Variants in FAM117A observed in about 807,000 individuals in gnomAD.
The protein encoded by FAM117A is protein FAM117A.
FAM117A carries 21 observed loss-of-function variants against 44.1 expected under a neutral mutation model. That is an observed-to-expected ratio of 0.48 (90% CI 0.34 to 0.69). The LOEUF is 0.69. FAM117A is among the 30% of genes least tolerant of loss of function. FAM117A has a pLI of 0.01. For missense variants in FAM117A, 498 were observed against 589.9 expected (o/e 0.84, Z 1.61); for synonymous variants, 220 against 238.3 (o/e 0.92, Z 0.71).
At chr17:49,726,602 C>A (rs1365338534) in intron 2 of FAM117A, among the ~76,000 whole-genome samples, 1 of 152,170 alleles carries the variant, frequency 6.6e-6, no homozygotes, top group African/African-American at 2.4e-5. Context: ...ACTGTGTCCC[C>A]AGTTTCCAGT....
upstream of FAM117A, chr17:49,788,951 GCTCC>G (rs1382959459): frequency 5.3e-6 from 6 of 1,138,354 alleles, no homozygotes; most frequent in Non-Finnish European, 7.3e-6. Flanking sequence ...CCAACTTTCC[GCTCC>G]CCCGAACCTT....
intron 1 of FAM117A, among the ~76,000 whole-genome samples, chr17:49,774,363 CTT>C (rs71146936): frequency 2.8e-5 from 4 of 144,208 alleles, no homozygotes; most frequent in Non-Finnish European, 3.0e-5. Flanking sequence ...CCAGGCTGGT[CTT>C]TTTTTTTTTT....
intron 2 of FAM117A, among the ~76,000 whole-genome samples, chr17:49,727,698 C>T (rs1159492642): frequency 2.6e-5 from 4 of 152,038 alleles, no homozygotes; most frequent in South Asian, 2.1e-4. Flanking sequence ...GGAGGAGGGG[C>T]GGGATGAAGC....
intron 3 of FAM117A, among the ~76,000 whole-genome samples, chr17:49,721,641 C>A (rs534583679): frequency 6.6e-6 from 1 of 152,328 alleles, no homozygotes; most frequent in South Asian, 2.1e-4. Flanking sequence ...TCAGAAGCTG[C>A]CACACAGCAT....
chr17:49,711,207 CCACCAAGG>C lies in FAM117A; in HGVS notation c.*40_*47del. The C allele has an allele frequency of 6.6e-7, 1 of 1,518,846 alleles. No homozygotes were observed. Among genetic ancestry groups the C allele is most frequent in the Non-Finnish European group, 8.9e-7 (1 of 1,129,620 alleles). The allele number at this position is 1,518,846 out of a possible 1,614,324, so 94.1% of individuals were successfully genotyped here. A position where few individuals can be genotyped will look rare whatever the true frequency, so the allele number is the denominator to read the frequency against. On this transcript the variant is annotated 3_prime_UTR_variant, in exon 8 of 8. Transcript: ENST00000240364. ...CTCAGGGGACCTGGGGAGGGACCTG[CCACCAAGG>C]CACTGGTCTCTATGGTAAAGTGGGG...
chr17:49,717,947 A>G, intron 5 of FAM117A: 1 of 413,302 alleles, frequency 2.4e-6, no homozygotes, highest in Non-Finnish European at 4.3e-6. Context: ...CTCACAGTCC[A>G]ATGTATAATT....
At chr17:49,771,734 C>T (rs1226488172) in intron 1 of FAM117A, among the ~76,000 whole-genome samples, 3 of 152,178 alleles carry the variant, frequency 2.0e-5, no homozygotes, top group Non-Finnish European at 2.9e-5. Flanking sequence ...CTAGGCACCC[C>T]CTCCCAGAGG....
chr17:49,748,887 G>T (rs1315596106), intron 1 of FAM117A, among the ~76,000 whole-genome samples: 1 of 152,166 alleles, frequency 6.6e-6, no homozygotes, highest in Non-Finnish European at 1.5e-5. Flanking sequence ...GTGGTTTGGT[G>T]TGAGAGGAAA....
chr17:49,766,204 G>C (rs2073745500), upstream of FAM117A, among the ~76,000 whole-genome samples: 1 of 152,196 alleles, frequency 6.6e-6, no homozygotes, highest in Non-Finnish European at 1.5e-5. Context: ...CCTGACTCCA[G>C]AGCTGAGCTC....
chr17:49,788,531 T>A (rs549649526), exon 1 of FAM117A: 4 of 373,572 alleles, frequency 1.1e-5, no homozygotes, highest in Non-Finnish European at 1.9e-5. Flanking sequence ...GTTCCACCAC[T>A]GGAGTCACTT....
In FAM117A at chr17:49,732,607, A is replaced by T. The variant is rs2073590776; in HGVS notation, c.310T>A (p.Trp104Arg). Residue 104 changes from tryptophan (W) to arginine (R), a missense_variant, in exon 2 of 8, where the codon TGG becomes AGG. Around this residue, in one of 3 missense-constraint regions of FAM117A, gnomAD observed 270 missense variants for 277.4 expected, o/e 0.97. Coordinates refer to ENST00000240364, the MANE Select transcript of FAM117A (RefSeq NM_030802.4). ...AAGGCCCCATCAGCATCTCGTGGCC[A>T]CTGGCCCAGAAGGTAGGAGCTGAGG... is the stretch of plus-strand genomic sequence containing the variant. ...TILSSYLLGQ[W>R]PRDADGAFTC... 1.9e-6 allele frequency: 3 copies of T among 1,613,992 alleles called. No individual in the cohort carries two copies. The highest frequency in any genetic ancestry group is 2.5e-6 in the Non-Finnish European group (3 of 1,180,016).
intron 1 of FAM117A, among the ~76,000 whole-genome samples, chr17:49,774,850 T>C (rs1034168028): frequency 2.6e-5 from 4 of 151,682 alleles, no homozygotes. Context: ...TGTTTCTTCT[T>C]AAAAAAAAAT....
chr17:49,757,945 T>C (rs919300660), intron 1 of FAM117A, among the ~76,000 whole-genome samples: 3 of 152,210 alleles, frequency 2.0e-5, no homozygotes, highest in African/African-American at 7.2e-5. Flanking sequence ...AAGAAGAGAC[T>C]GTCCACTCTC....
At chr17:49,753,127 T>C (rs547630628) in intron 1 of FAM117A, among the ~76,000 whole-genome samples, 1 of 152,258 alleles carries the variant, frequency 6.6e-6, no homozygotes, top group South Asian at 2.1e-4. Flanking sequence ...CCTCCCAAAG[T>C]GCTGGGATTA....
intron 1 of FAM117A, among the ~76,000 whole-genome samples, chr17:49,780,292 A>C (rs910624247): frequency 6.6e-6 from 1 of 152,190 alleles, no homozygotes; most frequent in Non-Finnish European, 1.5e-5. Flanking sequence ...TATCCTCCTG[A>C]GGTTGACTAG....
upstream of FAM117A, chr17:49,788,683 A>G: frequency 2.5e-6 from 2 of 797,736 alleles, no homozygotes; most frequent in Non-Finnish European, 1.9e-6. Flanking sequence ...GCGCCTGCGC[A>G]GAACGCTCCA....
chr17:49,751,209 G>T (rs2073675715), intron 1 of FAM117A, among the ~76,000 whole-genome samples: 1 of 151,158 alleles, frequency 6.6e-6, no homozygotes, highest in African/African-American at 2.4e-5. Flanking sequence ...GAACCCAGGA[G>T]GCGGAAGTTG....
intron 1 of FAM117A, among the ~76,000 whole-genome samples, chr17:49,781,258 C>G (rs1337844558): frequency 6.6e-6 from 1 of 152,078 alleles, no homozygotes; most frequent in Non-Finnish European, 1.5e-5. Flanking sequence ...GGAAACAGAC[C>G]TAGTAAATAA....
chr17:49,743,953 G>A (rs1460007592), intron 1 of FAM117A, among the ~76,000 whole-genome samples: 4 of 151,926 alleles, frequency 2.6e-5, no homozygotes, highest in South Asian at 2.1e-4. Flanking sequence ...TGGGGGGGGC[G>A]TCCCTTTTCC....
Sources: gnomAD v4.1 joint callset for allele counts (sites outside exome capture counted in the v4.1 genomes callset) on GRCh38, gnomAD v4.1.1 for gene constraint, gnomAD v4.1.1 regional missense constraint, MANE v1.5 for transcripts, NCBI Gene and HGNC (gene_info 2026-07-23, HGNC 2026-07-21) for gene names.